Variants in PPP4R4 observed in about 807,000 individuals in gnomAD.
The protein encoded by PPP4R4 is protein phosphatase 4 regulatory subunit 4, also known as serine/threonine-protein phosphatase 4 regulatory subunit 4.
A neutral mutation model predicts 121.8 loss-of-function variants in PPP4R4; 70 were observed. The observed-to-expected ratio is 0.57, with a 90% CI of 0.47 to 0.70. PPP4R4 has a LOEUF of 0.70. Among genes scored for constraint, PPP4R4 ranks in the 30% least tolerant of loss-of-function variants. The pLI, the probability that PPP4R4 is intolerant of heterozygous loss-of-function variation, is 0.00. For synonymous variants in PPP4R4, 348 were observed against 355.7 expected (o/e 0.98, Z 0.24); for missense variants, 875 against 1,033.6 (o/e 0.85, Z 2.10).
chr14:94,180,866 C>A (rs1479488509), intron 2 of PPP4R4, among the ~76,000 whole-genome samples: 2 of 151,992 alleles, frequency 1.3e-5, no homozygotes, highest in Admixed American at 6.6e-5. Flanking sequence ...AGTGCTCCCC[C>A]TAGTGATATG....
chr14:94,198,371 T>C (rs1399838257), intron 2 of PPP4R4, among the ~76,000 whole-genome samples: 1 of 152,230 alleles, frequency 6.6e-6, no homozygotes, highest in Non-Finnish European at 1.5e-5. Context: ...GTCTGCTTTT[T>C]ATTGGATGTT....
chr14:94,176,415 C>CAA, intron 2 of PPP4R4, among the ~76,000 whole-genome samples: 1 of 152,028 alleles, frequency 6.6e-6, no homozygotes, highest in African/African-American at 2.4e-5. Context: ...TTTGGTTTTT[C>CAA]TCGCGTAAGA....
intron 2 of PPP4R4, among the ~76,000 whole-genome samples, chr14:94,189,944 A>G (rs1242187275): frequency 6.6e-6 from 1 of 152,122 alleles, no homozygotes; most frequent in Non-Finnish European, 1.5e-5. Flanking sequence ...ATGATTGAAC[A>G]TGTCACTTTA....
chr14:94,218,873 A>G (rs1310874500), intron 3 of PPP4R4, among the ~76,000 whole-genome samples: 3 of 152,154 alleles, frequency 2.0e-5, no homozygotes, highest in African/African-American at 7.2e-5. Flanking sequence ...TATGTAGTCT[A>G]GAGGACAAAA....
chr14:94,271,712 C>T (rs1894341861), intron 23 of PPP4R4, among the ~76,000 whole-genome samples: 1 of 152,102 alleles, frequency 6.6e-6, no homozygotes, highest in African/African-American at 2.4e-5. Flanking sequence ...TCTTTGATCA[C>T]AGATAACATG....
chr14:94,191,342 T>C lies in PPP4R4; in HGVS notation c.191+15215T>C, dbSNP rs1305551373. On this transcript the variant is annotated intron_variant, in intron 2 of 24. Coordinates refer to ENST00000304338, the MANE Select transcript of PPP4R4 (RefSeq NM_058237.2). ...AGCTCATCTGTTTTTTTCAGGCAAATTTTGAGCCTTTATTTTTTCGTTTAA... is the reference window on the plus strand; with the variant it reads ...AGCTCATCTGTTTTTTTCAGGCAAACTTTGAGCCTTTATTTTTTCGTTTAA... Among the ~76,000 whole-genome samples, 4 of 74,534 alleles carry C rather than the reference T, an allele frequency of 5.4e-5. No individual in the cohort carries two copies. In the East Asian group the frequency reaches 9.0e-4, roughly 17 times the overall value. The allele number at this position is 74,534 out of a possible 152,430, so 48.9% of individuals were successfully genotyped here. A position where few individuals can be genotyped will look rare whatever the true frequency, so the allele number is the denominator to read the frequency against.
chr14:94,199,500 T>C (rs1890053137), intron 2 of PPP4R4, among the ~76,000 whole-genome samples: 1 of 152,218 alleles, frequency 6.6e-6, no homozygotes, highest in African/African-American at 2.4e-5. Context: ...AATTAGACCC[T>C]TGCCTTATTG....
chr14:94,246,737 C>T (rs914979631), intron 14 of PPP4R4, among the ~76,000 whole-genome samples, 198 bp downstream of exon 14: 9 of 152,214 alleles, frequency 5.9e-5, no homozygotes, highest in Admixed American at 5.9e-4. Flanking sequence ...TGAGAATCTT[C>T]TCTCTAGCTG....
chr14:94,240,217 T>G (rs1892555912), intron 8 of PPP4R4, among the ~76,000 whole-genome samples: 1 of 152,212 alleles, frequency 6.6e-6, no homozygotes, highest in South Asian at 2.1e-4. Flanking sequence ...TAGAACATAT[T>G]ATAAGCTAAT....
chr14:94,175,732 G>A (rs1199760673), intron 1 of PPP4R4: 4 of 358,844 alleles, frequency 1.1e-5, no homozygotes, highest in Middle Eastern at 8.1e-4. Flanking sequence ...AAAAGTGTGT[G>A]TATTCGTTTT....
At chr14:94,258,054 A>G (rs960676848) in intron 17 of PPP4R4, among the ~76,000 whole-genome samples, 12 of 152,158 alleles carry the variant, frequency 7.9e-5, no homozygotes, top group Non-Finnish European at 2.9e-5. Context: ...ATGAGAAGTA[A>G]CTTTATTTAA....
At chr14:94,204,048 C>G (rs1415212940) in intron 2 of PPP4R4, among the ~76,000 whole-genome samples, 2 of 152,078 alleles carry the variant, frequency 1.3e-5, no homozygotes, top group Non-Finnish European at 2.9e-5. Flanking sequence ...TTGATGAAGT[C>G]TAACTTTTCT....
chr14:94,234,259 T>C (rs1892207888), intron 6 of PPP4R4, among the ~76,000 whole-genome samples: 1 of 152,196 alleles, frequency 6.6e-6, no homozygotes, highest in African/African-American at 2.4e-5. Flanking sequence ...AAGAGTATTT[T>C]GGTTGATGGT....
At chr14:94,225,311 ATC>A (rs1269820553) in intron 3 of PPP4R4, among the ~76,000 whole-genome samples, 2 of 152,182 alleles carry the variant, frequency 1.3e-5, no homozygotes. Flanking sequence ...GACAACAAAT[ATC>A]CAGAAAAGTG....
intron 21 of PPP4R4, 133 bp from the exon 22 acceptor site, chr14:94,265,661 A>G: frequency 2.5e-6 from 2 of 803,986 alleles, no homozygotes; most frequent in Non-Finnish European, 2.0e-6. Flanking sequence ...TACTTCAGTG[A>G]GCTCAAATTA....
intron 16 of PPP4R4, 60 bp downstream of exon 16, chr14:94,251,956 A>G (rs1480993820): frequency 2.9e-6 from 4 of 1,382,610 alleles, no homozygotes; most frequent in Non-Finnish European, 3.9e-6. Flanking sequence ...ACTATAGTGA[A>G]CATATGCAAA....
chr14:94,267,971 G>A lies in PPP4R4; in HGVS notation c.2449+942G>A, dbSNP rs111994058. ...CTAGCATTAAAGCATCGACATTCAC[G>A]TACAGTATATAGAGTGGTTTTCTGC... On this transcript the variant is annotated intron_variant, in intron 23 of 24. Coordinates refer to ENST00000304338, the MANE Select transcript of PPP4R4 (RefSeq NM_058237.2). Among the ~76,000 whole-genome samples, 1,222 of 152,176 alleles carry A rather than the reference G, an allele frequency of 8.0e-3. 16 individuals carry two copies. The highest frequency in any genetic ancestry group is 0.028 in the African/African-American group (1,152 of 41,518).
At chr14:94,233,449 TA>T (rs1892162105) in intron 5 of PPP4R4, among the ~76,000 whole-genome samples, 1 of 152,232 alleles carries the variant, frequency 6.6e-6, no homozygotes, top group Admixed American at 6.5e-5. Context: ...CTAATTGTTT[TA>T]ATTGCATAAT....
intron 16 of PPP4R4, 82 bp from the exon 17 acceptor site, chr14:94,256,378 A>C (rs952419796): frequency 1.7e-6 from 2 of 1,155,734 alleles, no homozygotes; most frequent in African/African-American, 3.1e-5. Context: ...CTCTCAGGCT[A>C]TCTAAAACTT....
Sources: allele counts gnomAD v4.1 joint callset (sites outside exome capture counted in the v4.1 genomes callset), GRCh38; gene constraint gnomAD v4.1.1; transcripts MANE v1.5; gene names NCBI Gene and HGNC (gene_info 2026-07-23, HGNC 2026-07-21).